TULP4: variants seen among roughly 807,000 people sequenced by gnomAD.
The protein encoded by TULP4 is TUB like protein 4.
Under a neutral mutation model 129.0 loss-of-function variants are expected in TULP4, and 16 were observed. That is an observed-to-expected ratio of 0.12 (90% CI 0.08 to 0.19). TULP4 has a LOEUF of 0.19. Among genes scored for constraint, TULP4 ranks in the 10% least tolerant of loss-of-function variants. The pLI is 1.00. For synonymous variants in TULP4, 998 were observed against 854.0 expected (o/e 1.17, Z -2.94); for missense variants, 1,842 against 2,059.1 (o/e 0.89, Z 2.04).
intron 1 of TULP4, among the ~76,000 whole-genome samples, chr6:158,367,057 A>G (rs1341760334): frequency 2.4e-5 from 1 of 42,208 alleles, no homozygotes; most frequent in Non-Finnish European, 4.6e-5. Flanking sequence ...TTTTGGATTG[A>G]AAAAAAAAAA....
intron 3 of TULP4, among the ~76,000 whole-genome samples, chr6:158,443,027 A>G (rs1778936488): frequency 6.6e-6 from 1 of 151,576 alleles, no homozygotes; most frequent in Non-Finnish European, 1.5e-5. Context: ...CTCTGTCACC[A>G]GACTGGAATG....
At chr6:158,499,646 T>A (rs1208295957) in intron 12 of TULP4, among the ~76,000 whole-genome samples, 1 of 152,204 alleles carries the variant, frequency 6.6e-6, no homozygotes, top group East Asian at 1.9e-4. Context: ...AAGTGGGCTC[T>A]GGAAGTCTCT....
At chr6:158,491,448 T>TTGAGGAGTC (rs1562589201) in intron 9 of TULP4, among the ~76,000 whole-genome samples, 5 of 59,798 alleles carry the variant, frequency 8.4e-5, no homozygotes, top group African/African-American at 3.6e-4. Context: ...TTTCTTTTCT[T>TTGAGGAGTC]TCTTTCTTTT....
At position 158,385,842 on chromosome 6, in the gene TULP4, C is replaced by CTTT. The variant is rs778595442; in HGVS notation, c.253-27205_253-27203dup. Reference sequence around the variant, plus strand: ...GGAAAAGTCTACAAATGTGGAATATCTTTTTTTTTTTTTTTTTTTTGAGAA... The same window carrying CTTT: ...GGAAAAGTCTACAAATGTGGAATATCTTTTTTTTTTTTTTTTTTTTTTTGAGAA... On this transcript the variant is annotated intron_variant, in intron 1 of 13. Transcript: ENST00000367097. Among the ~76,000 whole-genome samples, 562 of 59,572 alleles carry CTTT rather than the reference C, an allele frequency of 9.4e-3. 81 individuals carry two copies. Among genetic ancestry groups the CTTT allele is most frequent in the South Asian group, 0.023 (27 of 1,164 alleles). The allele number at this position is 59,572 out of a possible 152,430, so 39.1% of individuals were successfully genotyped here.
At chr6:158,308,986 AC>A (rs1250770854), upstream of TULP4, among the ~76,000 whole-genome samples, 1 of 111,384 alleles carries the variant, frequency 9.0e-6, no homozygotes, top group African/African-American at 3.7e-5. Context: ...CAGGGGGCTG[AC>A]CCCCCCACCT....
intron 1 of TULP4, among the ~76,000 whole-genome samples, chr6:158,398,242 G>A (rs145782198): frequency 9.2e-5 from 14 of 152,260 alleles, no homozygotes; most frequent in African/African-American, 3.4e-4. Flanking sequence ...AGCGGGTACT[G>A]TGGCTGATAC....
At chr6:158,393,479 A>C (rs767247685) in intron 1 of TULP4, among the ~76,000 whole-genome samples, 16 of 151,992 alleles carry the variant, frequency 1.1e-4, no homozygotes, top group Admixed American at 5.9e-4. Context: ...TAAGGGCTCC[A>C]CTCCTGCAGC....
intron 1 of TULP4, among the ~76,000 whole-genome samples, chr6:158,258,303 C>G (rs931392857): frequency 6.6e-6 from 1 of 152,202 alleles, no homozygotes; most frequent in Non-Finnish European, 1.5e-5. Context: ...GCTGTCCACT[C>G]CCTCAGTGTT....
chr6:158,365,343 T>C (rs550982234), intron 1 of TULP4, among the ~76,000 whole-genome samples: 72 of 152,218 alleles, frequency 4.7e-4, no homozygotes, highest in African/African-American at 1.7e-3. Context: ...TATATTTCAT[T>C]TTCAGGATTT....
At chr6:158,362,665 A>G (rs943610841) in intron 1 of TULP4, among the ~76,000 whole-genome samples, 26 of 152,146 alleles carry the variant, frequency 1.7e-4, no homozygotes, top group African/African-American at 5.8e-4. Context: ...GATTTTCATA[A>G]TTATATTTAT....
At chr6:158,280,315 T>C (rs541384250), upstream of TULP4, among the ~76,000 whole-genome samples, 13 of 152,328 alleles carry the variant, frequency 8.5e-5, no homozygotes, top group South Asian at 2.7e-3. Flanking sequence ...TTAATTGCCT[T>C]TTTATTTTTG....
rs377333033 is a variant in TULP4, at chr6:158,509,635, C to G, written c.*2941C>G. 4.5e-4 allele frequency: 69 copies of G among 152,294 alleles called. 3 individuals are homozygous for G. The highest frequency in any genetic ancestry group is 2.6e-4 in the Admixed American group (4 of 15,302). 9.4% of individuals were successfully genotyped at this position (152,294 alleles called of 1,614,324 possible). On this transcript the variant is annotated 3_prime_UTR_variant, in exon 14 of 14. Transcript: ENST00000367097. The stretch of plus-strand genomic sequence containing the variant: ...GCTTCTAAATGCCTAGCTCCCTCCC[C>G]CAAAGGCGCTTTCCCCCGATGGAGG...
At chr6:158,331,788 C>CGTGTAT (rs1779900021) in intron 1 of TULP4, among the ~76,000 whole-genome samples, 1 of 88,318 alleles carries the variant, frequency 1.1e-5, no homozygotes. Context: ...TACACACACA[C>CGTGTAT]ATACCTACAT....
chr6:158,465,923 C>G (rs750921676), intron 6 of TULP4, among the ~76,000 whole-genome samples: 20 of 152,162 alleles, frequency 1.3e-4, no homozygotes, highest in Non-Finnish European at 2.8e-4. Context: ...ACTTGGGAGT[C>G]AGCAGAAAGG....
intron 2 of TULP4, among the ~76,000 whole-genome samples, chr6:158,424,207 A>G (rs1778422817): frequency 6.6e-6 from 1 of 152,186 alleles, no homozygotes; most frequent in South Asian, 2.1e-4. Flanking sequence ...CACGTATATG[A>G]TGTAAAACGG....
At position 158,413,658 on chromosome 6, in the gene TULP4, C is replaced by G. The variant is rs747415064; in HGVS notation, c.381+465C>G. ...CACAGGCTTCAATCAGCACGGCCTC[C>G]TGTTGTCATCCTCCAGCTCTTCCTT... On this transcript the variant is annotated intron_variant, in intron 2 of 13. Transcript: ENST00000367097. The surrounding 1 kb of genome is among the most constrained non-coding windows in gnomAD (Gnocchi z 4.9). Among the ~76,000 whole-genome samples the G allele has an allele frequency of 3.3e-5, 5 of 152,236 alleles. No homozygotes were observed. The highest frequency in any genetic ancestry group is 7.3e-5 in the Non-Finnish European group (5 of 68,046).
rs1018145381 is a variant in TULP4, at chr6:158,501,713, C to A, written c.2050C>A (p.Pro684Thr). The change falls in exon 13 of 14, where the codon CCT (proline) becomes ACT (threonine). Residue 684 changes from proline (P) to threonine (T), a missense_variant. Around this residue, in one of 5 missense-constraint regions of TULP4, gnomAD observed 99 missense variants for 165.1 expected, o/e 0.60. Coordinates refer to ENST00000367097, the MANE Select transcript of TULP4 (RefSeq NM_020245.5). ...GASGVPENSP[P>T]CTVNIPIAPI... ...ATCTGGTGTCCCTGAGAACAGCCCA[C>A]CTTGTACCGTGAACATCCCTATTGC... 1 of 1,613,736 alleles carries A rather than the reference C, an allele frequency of 6.2e-7. No homozygotes were observed. Among genetic ancestry groups the A allele is most frequent in the Non-Finnish European group, 8.5e-7 (1 of 1,179,776 alleles).
In TULP4 at chr6:158,501,873, C is replaced by T. The variant is rs542351754; in HGVS notation, c.2210C>T (p.Ala737Val). 6.2e-7 allele frequency: 1 copy of T among 1,614,150 alleles called. No homozygotes were observed. The highest frequency in any genetic ancestry group is 1.7e-5 in the Admixed American group (1 of 60,020). Residue 737 changes from alanine to valine, a missense_variant, in exon 13 of 14, where the codon GCA becomes GTA. By Grantham distance (64) the Ala-to-Val change is moderately conservative. Around this residue, in one of 5 missense-constraint regions of TULP4, gnomAD observed 1,089 missense variants for 987.1 expected, o/e 1.10. Transcript: ENST00000367097. ...ACAGCTGTAGGGACAGCAGAACATGCAGGTGACAGTGCCACCCAGTACCCA... is the reference window on the plus strand; with the variant it reads ...ACAGCTGTAGGGACAGCAGAACATGTAGGTGACAGTGCCACCCAGTACCCA... ...QTTAVGTAEH[A>V]GDSATQYPVS...
rs111631905 is a variant in TULP4, at chr6:158,480,342, C to T, written c.1251+367C>T. Among the ~76,000 whole-genome samples the T allele has an allele frequency of 3.0e-3, 451 of 152,330 alleles. 3 individuals carry two copies. Among genetic ancestry groups the T allele is most frequent in the African/African-American group, 9.5e-3 (395 of 41,574 alleles). ...TGACTTCCTGACAGATGCCATTATT[C>T]GCATTTAAGGAAGCAGGAAACAAGT... is the stretch of plus-strand genomic sequence containing the variant. On this transcript the variant is annotated intron_variant, in intron 7 of 13. Transcript: ENST00000367097.
Sources: gnomAD v4.1 joint callset for allele counts (sites outside exome capture counted in the v4.1 genomes callset) on GRCh38, gnomAD v4.1.1 for gene constraint, gnomAD v4.1.1 regional missense constraint, Gnocchi (gnomAD v3.1) non-coding constraint, MANE v1.5 for transcripts, NCBI Gene and HGNC (gene_info 2026-07-23, HGNC 2026-07-21) for gene names.